AKAP6: variants seen among roughly 807,000 people sequenced by gnomAD.
The protein encoded by AKAP6 is A-kinase anchoring protein 6.
Under a neutral mutation model 188.5 loss-of-function variants are expected in AKAP6, and 58 were observed. The observed-to-expected ratio is 0.31, with a 90% CI of 0.25 to 0.38. The LOEUF (loss-of-function observed/expected upper bound fraction) is 0.38. AKAP6 is among the 10% of genes least tolerant of loss of function. AKAP6 has a pLI of 1.00. For synonymous variants in AKAP6, 989 were observed against 998.6 expected, an observed-to-expected ratio of 0.99 and a Z score of 0.18; for missense variants, 2,710 against 2,740.0, an observed-to-expected ratio of 0.99 and a Z score of 0.24.
At chr14:32,429,737 A>G (rs1890153744) in intron 1 of AKAP6, among the ~76,000 whole-genome samples, 1 of 152,228 alleles carries the variant, frequency 6.6e-6, no homozygotes, top group African/African-American at 2.4e-5. Context: ...TATGGGTTAT[A>G]GAAATTCTCT....
intron 9 of AKAP6, among the ~76,000 whole-genome samples, chr14:32,713,005 C>G (rs2029980379): frequency 6.6e-6 from 1 of 151,986 alleles, no homozygotes. Context: ...AAATGTATTT[C>G]TTAAATAAGA....
chr14:32,702,713 T>C (rs1890662626), intron 9 of AKAP6, among the ~76,000 whole-genome samples: 2 of 152,142 alleles, frequency 1.3e-5, no homozygotes, highest in African/African-American at 2.4e-5. Context: ...CTCTGAGGCA[T>C]TGTGCTGCTC....
intron 2 of AKAP6, among the ~76,000 whole-genome samples, chr14:32,520,249 G>T (rs1881749186): frequency 6.6e-6 from 1 of 152,206 alleles, no homozygotes. Context: ...AAGCAGGAAA[G>T]ATCTAAAATT....
At chr14:32,584,505 T>C (rs923966114) in intron 5 of AKAP6, among the ~76,000 whole-genome samples, 2 of 152,250 alleles carry the variant, frequency 1.3e-5, no homozygotes, top group African/African-American at 4.8e-5. Context: ...AGGGGACTAC[T>C]GTATACAATT....
rs1275707475 is a variant in AKAP6, at chr14:32,823,874, G to A, written c.6061G>A (p.Ala2021Thr). Residue 2021 changes from alanine (A) to threonine (T), a missense_variant, in exon 13 of 14, where the codon GCA becomes ACA. Physicochemically the swap from Ala to Thr is moderately conservative, Grantham distance 58. Transcript: ENST00000280979. ...TGGAAAATCTGCTGGTTGTTGCCTA[G>A]CACTTGAACAAAACGGAACAGAGGA... is the stretch of plus-strand genomic sequence containing the variant. ...MAGKSAGCCL[A>T]LEQNGTEENA... is the part of the protein sequence containing the mutation. 5 of 1,613,748 alleles carry A rather than the reference G, an allele frequency of 3.1e-6. No individual in the cohort carries two copies. Among genetic ancestry groups the A allele is most frequent in the South Asian group, 1.1e-5 (1 of 91,070 alleles).
Position 32,487,704 on chromosome 14 carries a change from A to C in AKAP6, c.325-47850A>C, listed in dbSNP as rs138130069. Among the ~76,000 whole-genome samples, 330 of 152,326 alleles carry C rather than the reference A, an allele frequency of 2.2e-3. 1 individual carries two copies. The highest frequency in any genetic ancestry group is 7.6e-3 in the African/African-American group (315 of 41,582). ...TTATCTACCTTTGGTCTTTGATGTT[A>C]GTGAACTTCGGATGGGGTTTCTGTG... On this transcript the variant is annotated intron_variant, in intron 2 of 13. Coordinates refer to ENST00000280979, the MANE Select transcript of AKAP6 (RefSeq NM_004274.5).
intron 1 of AKAP6, chr14:32,373,212 G>A (rs903265930): frequency 6.6e-6 from 1 of 152,074 alleles, no homozygotes; most frequent in African/African-American, 2.4e-5. Flanking sequence ...TTCACACAGA[G>A]CCAGCTGTGC....
chr14:32,504,534 C>A (rs551056201), intron 2 of AKAP6, among the ~76,000 whole-genome samples: 19 of 152,336 alleles, frequency 1.2e-4, no homozygotes, highest in Admixed American at 4.6e-4. Context: ...CCCACCTCGG[C>A]CTCCCAGGGT....
chr14:32,466,890 TATAA>T (rs1878489031), intron 2 of AKAP6, among the ~76,000 whole-genome samples: 1 of 144,822 alleles, frequency 6.9e-6, no homozygotes, highest in African/African-American at 2.7e-5. Flanking sequence ...TATGTATATA[TATAA>T]AAACAAAACA....
At chr14:32,793,148 T>C (rs1566715539) in intron 12 of AKAP6, among the ~76,000 whole-genome samples, 2 of 152,166 alleles carry the variant, frequency 1.3e-5, no homozygotes, top group Non-Finnish European at 2.9e-5. Flanking sequence ...GCTATCATCA[T>C]GATGAAAGGA....
At chr14:32,510,405 T>TATATATATTTATATATATACAC in intron 2 of AKAP6, among the ~76,000 whole-genome samples, 1 of 98,018 alleles carries the variant, frequency 1.0e-5, no homozygotes, top group South Asian at 2.5e-4. Flanking sequence ...TATATATATG[T>TATATATATTTATATATATACAC]ATATATATGT....
At chr14:32,665,276 G>A (rs1888877072) in intron 7 of AKAP6, among the ~76,000 whole-genome samples, 1 of 151,994 alleles carries the variant, frequency 6.6e-6, no homozygotes, top group South Asian at 2.1e-4. Context: ...TCGAAAGTTC[G>A]GCCCTCCAGA....
intron 4 of AKAP6, among the ~76,000 whole-genome samples, chr14:32,575,957 C>A (rs1298805341): frequency 5.9e-5 from 9 of 151,938 alleles, no homozygotes; most frequent in Admixed American, 5.3e-4. Context: ...TTTTACTTAC[C>A]ACTCTCCACA....
intron 7 of AKAP6, among the ~76,000 whole-genome samples, chr14:32,621,737 C>T (rs183597748): frequency 2.6e-5 from 4 of 152,126 alleles, no homozygotes; most frequent in African/African-American, 9.6e-5. Flanking sequence ...GACTTTCTCC[C>T]TTAATGATTT....
At chr14:32,430,371 G>A (rs1890176593) in intron 1 of AKAP6, among the ~76,000 whole-genome samples, 1 of 152,110 alleles carries the variant, frequency 6.6e-6, no homozygotes, top group Non-Finnish European at 1.5e-5. Flanking sequence ...TTAGTGCGTG[G>A]ACTGATGGTA....
intron 9 of AKAP6, among the ~76,000 whole-genome samples, chr14:32,713,361 A>G (rs1037537832): frequency 6.6e-6 from 1 of 152,040 alleles, no homozygotes; most frequent in African/African-American, 2.4e-5. Flanking sequence ...ACTCAACGTC[A>G]TCAACAGCTT....
chr14:32,639,996 A>G lies in AKAP6; in HGVS notation c.2731-38315A>G, dbSNP rs144755195. Among the ~76,000 whole-genome samples the G allele has an allele frequency of 2.6e-5, 4 of 152,250 alleles. No individual in the cohort carries two copies. In the East Asian group the frequency reaches 7.7e-4, roughly 29 times the overall value. On this transcript the variant is annotated intron_variant, in intron 7 of 13. Coordinates refer to ENST00000280979, the MANE Select transcript of AKAP6 (RefSeq NM_004274.5). Reference sequence around the variant, plus strand: ...GCAAGTAAACTCCATTTTTGTTAATATATTTTACCTTAATATAGATACATC... The same window carrying G: ...GCAAGTAAACTCCATTTTTGTTAATGTATTTTACCTTAATATAGATACATC...
At chr14:32,490,661 T>C (rs1481009930) in intron 2 of AKAP6, among the ~76,000 whole-genome samples, 1 of 152,164 alleles carries the variant, frequency 6.6e-6, no homozygotes, top group Non-Finnish European at 1.5e-5. Context: ...TGAAAATGGC[T>C]AGAAGTTCAG....
intron 4 of AKAP6, 95 bp downstream of exon 4, chr14:32,547,094 A>G: frequency 7.6e-6 from 9 of 1,179,472 alleles, no homozygotes; most frequent in South Asian, 1.6e-5. Context: ...TATAAAATGT[A>G]TGGCTATTTT....
Sources: allele counts gnomAD v4.1 joint callset (sites outside exome capture counted in the v4.1 genomes callset), GRCh38; gene constraint gnomAD v4.1.1; transcripts MANE v1.5; gene names NCBI Gene and HGNC (gene_info 2026-07-23, HGNC 2026-07-21).